Variants in DPYSL2 observed in about 807,000 individuals in gnomAD.
DPYSL2 encodes dihydropyrimidinase-related protein 2.
A neutral mutation model predicts 69.9 loss-of-function variants in DPYSL2; 13 were observed. The observed-to-expected ratio is 0.19, with a 90% CI of 0.12 to 0.30. DPYSL2 has a LOEUF of 0.30. Ranked by LOEUF, DPYSL2 falls within the 10% of genes least tolerant of loss-of-function variation. The pLI is 1.00. For synonymous variants in DPYSL2, 326 were observed against 359.1 expected, an observed-to-expected ratio of 0.91 and a Z score of 1.04; for missense variants, 587 against 918.9, an observed-to-expected ratio of 0.64 and a Z score of 4.67.
Position 26,624,074 on chromosome 8 carries a change from G to A in DPYSL2, c.629-69G>A. 9 of 1,569,626 alleles carry A rather than the reference G, an allele frequency of 5.7e-6. No individual in the cohort carries two copies. Among genetic ancestry groups the A allele is most frequent in the Non-Finnish European group, 7.8e-6 (9 of 1,150,496 alleles). ...AGAAGCCTTATTCAGGGTTCAAGTG[G>A]GAAAATACCTGCTGGCCCACGGCCC... On this transcript the variant is annotated intron_variant, in intron 3 of 13. Transcript: ENST00000521913. This position sits in a 1 kb window ranked among gnomAD's most constrained non-coding sequence, Gnocchi z 4.7.
intron 8 of DPYSL2, among the ~76,000 whole-genome samples, chr8:26,635,380 A>G (rs1490457092): frequency 2.0e-5 from 3 of 151,744 alleles, no homozygotes; most frequent in Admixed American, 6.6e-5. Flanking sequence ...TGCTTGATAA[A>G]CTCTCTTGAT....
chr8:26,629,081 A>G (rs62493367), intron 7 of DPYSL2, among the ~76,000 whole-genome samples: 20,533 of 152,192 alleles, frequency 0.13, 1,610 homozygotes, highest in Non-Finnish European at 0.18. Context: ...CAAGACAGGC[A>G]GAAAGACGAG....
intron 3 of DPYSL2, among the ~76,000 whole-genome samples, chr8:26,600,547 C>T (rs894850254): frequency 1.3e-5 from 2 of 152,086 alleles, no homozygotes; most frequent in African/African-American, 4.8e-5. Context: ...ATTTTGAGGC[C>T]CGTGTACTCA....
chr8:26,652,486 C>A lies in DPYSL2; in HGVS notation c.1776+50C>A. 6.5e-7 allele frequency: 1 copy of A among 1,540,652 alleles called. No homozygotes were observed. Among genetic ancestry groups the A allele is most frequent in the South Asian group, 1.2e-5 (1 of 82,808 alleles). Reference sequence around the variant, plus strand: ...TTTTTGTTAAATCACGAATTAAGTTCAAGGCCACAAACATTTATTAAGCAC... The same window carrying A: ...TTTTTGTTAAATCACGAATTAAGTTAAAGGCCACAAACATTTATTAAGCAC... On this transcript the variant is annotated intron_variant, in intron 12 of 13. Transcript: ENST00000521913. This position sits in a 1 kb window ranked among gnomAD's most constrained non-coding sequence, Gnocchi z 6.3.
At chr8:26,616,721 A>G (rs1052357051) in intron 3 of DPYSL2, among the ~76,000 whole-genome samples, 1 of 152,134 alleles carries the variant, frequency 6.6e-6, no homozygotes. Context: ...GGGCTGAGTG[A>G]TGGCTCCCAT....
chr8:26,579,924 CTTTTTTTT>C (rs67626321), intron 1 of DPYSL2, among the ~76,000 whole-genome samples: 6 of 115,624 alleles, frequency 5.2e-5, no homozygotes, highest in Non-Finnish European at 6.7e-5. Flanking sequence ...ATCAACAAGA[CTTTTTTTT>C]TTTTTTTTTT....
intron 1 of DPYSL2, among the ~76,000 whole-genome samples, chr8:26,575,094 C>T (rs1318903886): frequency 1.3e-5 from 2 of 152,202 alleles, no homozygotes; most frequent in African/African-American, 2.4e-5. Flanking sequence ...CCACCATGCC[C>T]GTCTGATTTT....
rs1453879797 is a variant in DPYSL2, at chr8:26,620,969, A to G, written c.629-3174A>G. 2.0e-5 allele frequency among the ~76,000 whole-genome samples: 3 copies of G among 152,230 alleles called. No homozygotes were observed. The highest frequency in any genetic ancestry group is 4.4e-5 in the Non-Finnish European group (3 of 68,046). On this transcript the variant is annotated intron_variant, in intron 3 of 13. Coordinates refer to ENST00000521913, the MANE Select transcript of DPYSL2 (RefSeq NM_001197293.3). The surrounding 1 kb of genome is among the most constrained non-coding windows in gnomAD (Gnocchi z 4.5). ...ATTTTACATACACATATACACATAT[A>G]AATACACACGTACATACATACACAT...
chr8:26,531,236 G>A (rs1031238381), intron 1 of DPYSL2, among the ~76,000 whole-genome samples: 21 of 152,104 alleles, frequency 1.4e-4, no homozygotes, highest in African/African-American at 5.1e-4. Context: ...AACAGCAGAG[G>A]AAATTGAGGA....
At chr8:26,600,787 A>G (rs916210395) in intron 3 of DPYSL2, among the ~76,000 whole-genome samples, 1 of 152,148 alleles carries the variant, frequency 6.6e-6, no homozygotes, top group African/African-American at 2.4e-5. Context: ...GCTGGCTGGA[A>G]TGGCTACCTC....
chr8:26,643,460 C>T lies in DPYSL2; in HGVS notation c.1148C>T (p.Pro383Leu). 2 of 1,603,036 alleles carry T rather than the reference C, an allele frequency of 1.2e-6. No homozygotes were observed. Among genetic ancestry groups the T allele is most frequent in the South Asian group, 1.1e-5 (1 of 88,736 alleles). The change falls in exon 9 of 14, where the codon CCC (proline) becomes CTC (leucine). Residue 383 changes from proline (P) to leucine (L), a missense_variant. Physicochemically the swap from Pro to Leu is moderately conservative, Grantham distance 98. Around this residue, in one of 3 missense-constraint regions of DPYSL2, gnomAD observed 452 missense variants for 754.3 expected, o/e 0.60. Transcript: ENST00000521913. This position sits in a 1 kb window ranked among gnomAD's most constrained non-coding sequence, Gnocchi z 6.5. ...TCAGGAACTGTGGTGTATGGCGAGC[C>T]CATCACTGCCAGCTTGGGAACGGAC... ...RKKGTVVYGE[P>L]ITASLGTDGS...
In DPYSL2 at chr8:26,654,724, T is replaced by A. The variant is rs1034774220; in HGVS notation, c.1943-891T>A. On this transcript the variant is annotated intron_variant, in intron 13 of 13. Coordinates refer to ENST00000521913, the MANE Select transcript of DPYSL2 (RefSeq NM_001197293.3). The surrounding 1 kb of genome is among the most constrained non-coding windows in gnomAD (Gnocchi z 5.0). ...ACAGGGGACAGGACAGAGTCTAAGA[T>A]GTAGTGATATTTTGTATATAGTTTT... Among the ~76,000 whole-genome samples the A allele has an allele frequency of 1.3e-5, 2 of 152,196 alleles. No homozygotes were observed. Among genetic ancestry groups the A allele is most frequent in the Non-Finnish European group, 2.9e-5 (2 of 68,034 alleles).
Position 26,643,914 on chromosome 8 carries a change from G to A in DPYSL2, c.1284-36G>A, listed in dbSNP as rs1454338349. Reference sequence around the variant, plus strand: ...AGGTGTAGGCGCACAGCATCTTGACGAAGCTGCAGCACCACGTTATGCATT... The same window carrying A: ...AGGTGTAGGCGCACAGCATCTTGACAAAGCTGCAGCACCACGTTATGCATT... On this transcript the variant is annotated intron_variant, in intron 9 of 13. Coordinates refer to ENST00000521913, the MANE Select transcript of DPYSL2 (RefSeq NM_001197293.3). This position sits in a 1 kb window ranked among gnomAD's most constrained non-coding sequence, Gnocchi z 6.5. The A allele has an allele frequency of 1.5e-5, 24 of 1,603,486 alleles. No homozygotes were observed. Among genetic ancestry groups the A allele is most frequent in the Non-Finnish European group, 1.9e-5 (22 of 1,173,718 alleles).
rs76772114 is a variant in DPYSL2 at position 26,567,825 on chromosome 8, A to T, written c.355-14144A>T. 2.0e-5 allele frequency among the ~76,000 whole-genome samples: 3 copies of T among 152,284 alleles called. No individual in the cohort carries two copies. In the East Asian group the frequency reaches 5.8e-4, roughly 29 times the overall value. ...TGGCCTTAGATGGGGAGAAGAAGAG[A>T]TGAAGGGCATCAATTCCCACTTAGT... On this transcript the variant is annotated intron_variant, in intron 1 of 13. Coordinates refer to ENST00000521913, the MANE Select transcript of DPYSL2 (RefSeq NM_001197293.3).
At chr8:26,596,962 A>G (rs748983396) in intron 3 of DPYSL2, among the ~76,000 whole-genome samples, 3 of 152,230 alleles carry the variant, frequency 2.0e-5, no homozygotes, top group Non-Finnish European at 4.4e-5. Flanking sequence ...TCCATCCTGG[A>G]AGAACAGAAA....
In DPYSL2 at chr8:26,653,084, G is replaced by A. The variant is rs533551000; in HGVS notation, c.1777-148G>A. 257 of 941,106 alleles carry A rather than the reference G, an allele frequency of 2.7e-4. No individual in the cohort carries two copies. The African/African-American group carries it at 3.6e-3, about 13-fold the overall frequency. 58.3% of individuals were successfully genotyped at this position (941,106 alleles called of 1,614,324 possible). ...GGAGTTTTGGCCTGGCATGGTGGGAGCTGGCCCCACACAACACCTGTCCAC... is the reference window on the plus strand; with the variant it reads ...GGAGTTTTGGCCTGGCATGGTGGGAACTGGCCCCACACAACACCTGTCCAC... On this transcript the variant is annotated intron_variant, in intron 12 of 13. Coordinates refer to ENST00000521913, the MANE Select transcript of DPYSL2 (RefSeq NM_001197293.3). This position sits in a 1 kb window ranked among gnomAD's most constrained non-coding sequence, Gnocchi z 5.7.
intron 1 of DPYSL2, among the ~76,000 whole-genome samples, chr8:26,553,106 A>T (rs1318662661): frequency 6.6e-6 from 1 of 152,200 alleles, no homozygotes; most frequent in African/African-American, 2.4e-5. Flanking sequence ...CTCACACAAG[A>T]AGAAATAGAT....
chr8:26,583,964 TG>T lies in DPYSL2; in HGVS notation c.614del (p.Gly205GlufsTer4). The T allele has an allele frequency of 6.2e-7, 1 of 1,614,090 alleles. No individual in the cohort carries two copies. The highest frequency in any genetic ancestry group is 8.5e-7 in the Non-Finnish European group (1 of 1,180,000). On this transcript the variant is annotated frameshift_variant, in exon 3 of 14. Transcript: ENST00000521913. LOFTEE classifies it high-confidence loss of function. ...FFQGTKAALA[G>X]GTTMIIDHVV... ...TCCAAGGAACCAAGGCGGCCCTGGC[TG>T]GGGGAACCACTATGATCAGTAAGAA...
rs369913943 is a variant in DPYSL2, at chr8:26,580,355, A to G, written c.355-1614A>G. Reference sequence around the variant, plus strand: ...GTTTCCTTATGTGTCATGGGAATAGAACCTGGCCTCATCTACCTCACAGAT... The same window carrying G: ...GTTTCCTTATGTGTCATGGGAATAGGACCTGGCCTCATCTACCTCACAGAT... On this transcript the variant is annotated intron_variant, in intron 1 of 13. Coordinates refer to ENST00000521913, the MANE Select transcript of DPYSL2 (RefSeq NM_001197293.3). The surrounding 1 kb of genome is among the most constrained non-coding windows in gnomAD (Gnocchi z 4.1). Among the ~76,000 whole-genome samples, 14 of 152,318 alleles carry G rather than the reference A, an allele frequency of 9.2e-5. No individual in the cohort carries two copies. The East Asian group carries it at 2.7e-3, about 29-fold the overall frequency.
Sources: gnomAD v4.1 joint callset for allele counts (sites outside exome capture counted in the v4.1 genomes callset) on GRCh38, gnomAD v4.1.1 for gene constraint, gnomAD v4.1.1 regional missense constraint, Gnocchi (gnomAD v3.1) non-coding constraint, MANE v1.5 for transcripts, NCBI Gene and HGNC (gene_info 2026-07-23, HGNC 2026-07-21) for gene names.